ASTN1: variants seen among roughly 807,000 people sequenced by gnomAD.
ASTN1 encodes astrotactin-1.
In ASTN1, 41 loss-of-function variants were observed where a neutral mutation model predicts 140.7. That is an observed-to-expected ratio of 0.29 (90% confidence interval 0.23 to 0.38). ASTN1 has a LOEUF of 0.38. ASTN1 is among the 10% of genes least tolerant of loss of function. The probability of loss-of-function intolerance (pLI) is 1.00; values close to 1 mark genes in which losing one functional copy is unlikely to be tolerated. For missense variants in ASTN1, 1,479 were observed against 1,678.8 expected (o/e 0.88, Z 2.08); for synonymous variants, 640 against 652.2 (o/e 0.98, Z 0.29).
chr1:177,109,842 C>T (rs1223562522), intron 1 of ASTN1, among the ~76,000 whole-genome samples: 1 of 152,206 alleles, frequency 6.6e-6, no homozygotes, highest in African/African-American at 2.4e-5. Context: ...CACTGTTTTA[C>T]TGCTTTGGGT....
Position 176,863,409 on chromosome 1 carries a change from A to G in ASTN1, c.*875T>C. ...AGATAATCCAGGCACATGGATATAT[A>G]TTGGTAGGCTGGAGAAGTCTATCCA... On this transcript the variant is annotated 3_prime_UTR_variant, in exon 23 of 23. Coordinates refer to ENST00000361833, the MANE Select transcript of ASTN1 (RefSeq NM_004319.3). 1.0e-6 allele frequency: 1 copy of G among 985,838 alleles called. No homozygotes were observed. The highest frequency in any genetic ancestry group is 1.2e-6 in the Non-Finnish European group (1 of 829,900). The allele number at this position is 985,838 out of a possible 1,614,324, so 61.1% of individuals were successfully genotyped here. A position where few individuals can be genotyped will look rare whatever the true frequency, so the allele number is the denominator to read the frequency against.
chr1:177,110,577 A>T (rs1680777494), intron 1 of ASTN1, among the ~76,000 whole-genome samples: 1 of 152,220 alleles, frequency 6.6e-6, no homozygotes, highest in South Asian at 2.1e-4. Context: ...GGAAATAAAC[A>T]TGCATGGAGT....
At chr1:177,061,350 G>A in intron 1 of ASTN1, 85 bp from the exon 2 acceptor site, 1 of 1,320,798 alleles carries the variant, frequency 7.6e-7, no homozygotes, top group Non-Finnish European at 1.0e-6. Context: ...GTACCAATTA[G>A]CCAGTTTCGT....
intron 16 of ASTN1, among the ~76,000 whole-genome samples, chr1:176,913,260 A>G (rs1039149205): frequency 9.2e-5 from 14 of 152,314 alleles, no homozygotes; most frequent in Admixed American, 3.9e-4. Flanking sequence ...GGTGATTTCA[A>G]TTCTTCTTTG....
intron 16 of ASTN1, among the ~76,000 whole-genome samples, chr1:176,899,454 G>A (rs1669671232): frequency 6.6e-6 from 1 of 152,224 alleles, no homozygotes; most frequent in South Asian, 2.1e-4. Context: ...TTCTGAGGCT[G>A]CTTAAGAATC....
At chr1:176,878,907 G>A (rs1439173499) in intron 20 of ASTN1, among the ~76,000 whole-genome samples, 5 of 152,296 alleles carry the variant, frequency 3.3e-5, no homozygotes, top group East Asian at 3.9e-4. Flanking sequence ...CTAGGGGCCC[G>A]AGTGAGCCCC....
At chr1:177,040,798 A>T (rs1458589379) in intron 2 of ASTN1, among the ~76,000 whole-genome samples, 1 of 152,208 alleles carries the variant, frequency 6.6e-6, no homozygotes, top group Non-Finnish European at 1.5e-5. Context: ...CAATTCCTGT[A>T]TGAGACTTTA....
intron 18 of ASTN1, 90 bp downstream of exon 18, chr1:176,887,981 T>C: frequency 6.4e-7 from 1 of 1,555,922 alleles, no homozygotes; most frequent in Non-Finnish European, 8.8e-7. Context: ...TTTTTCTTTG[T>C]TTCCCAGTAC....
In ASTN1 at chr1:177,030,972, G is replaced by T. The variant is rs749508805; in HGVS notation, c.866-20C>A. On this transcript the variant is annotated intron_variant, in intron 3 of 22. Coordinates refer to ENST00000361833, the MANE Select transcript of ASTN1 (RefSeq NM_004319.3). Reference sequence around the variant, plus strand: ...CACTTCCTGTATAAGGAAAAGACGAGGCAAAAACTTTAAGAGAAAAGACCA... The same window carrying T: ...CACTTCCTGTATAAGGAAAAGACGATGCAAAAACTTTAAGAGAAAAGACCA... The T allele has an allele frequency of 2.5e-6, 4 of 1,596,272 alleles. No homozygotes were observed. The highest frequency in any genetic ancestry group is 1.7e-6 in the Non-Finnish European group (2 of 1,170,246).
chr1:177,071,189 C>G (rs1678619049), intron 1 of ASTN1, among the ~76,000 whole-genome samples: 1 of 152,162 alleles, frequency 6.6e-6, no homozygotes, highest in Non-Finnish European at 1.5e-5. Flanking sequence ...TCCACGTACA[C>G]TATTTATGCT....
chr1:177,052,100 C>G (rs942984836), intron 2 of ASTN1, among the ~76,000 whole-genome samples: 1 of 152,124 alleles, frequency 6.6e-6, no homozygotes, highest in Non-Finnish European at 1.5e-5. Flanking sequence ...TAACAATTCC[C>G]TGAATGGACA....
chr1:177,076,523 TC>T (rs1382177994), intron 1 of ASTN1, among the ~76,000 whole-genome samples: 1 of 150,500 alleles, frequency 6.6e-6, no homozygotes, highest in Admixed American at 6.6e-5. Flanking sequence ...TCTTTTCTTT[TC>T]TTTTTTTTTT....
rs1331065111 is a variant in ASTN1 at position 177,029,649 on chromosome 1, T to G, written c.1105A>C (p.Arg369=). 1 of 1,613,720 alleles carries G rather than the reference T, an allele frequency of 6.2e-7. No homozygotes were observed. Among genetic ancestry groups the G allele is most frequent in the Non-Finnish European group, 8.5e-7 (1 of 1,179,914 alleles). The change falls in exon 5 of 23, where the codon AGG becomes CGG. Residue 369 remains arginine (R), a synonymous_variant. Transcript: ENST00000361833. ...TCATTCCTACCTCTACTACGCCTCC[T>G]GCTCCTTGAAGGATCCGTGTAAAAG... ...LTFYTDPSRS[R]RRSRVGSPRS...
chr1:177,084,383 A>G (rs1679324468), intron 1 of ASTN1, among the ~76,000 whole-genome samples: 1 of 152,200 alleles, frequency 6.6e-6, no homozygotes, highest in Non-Finnish European at 1.5e-5. Context: ...CCAATCACAG[A>G]GGTGCCAACG....
intron 16 of ASTN1, among the ~76,000 whole-genome samples, chr1:176,914,418 A>G (rs900613945): frequency 2.0e-5 from 3 of 152,222 alleles, no homozygotes; most frequent in Non-Finnish European, 4.4e-5. Flanking sequence ...GGCAGAGACA[A>G]TAAGGTCAAA....
chr1:177,060,523 T>C (rs12728339), intron 2 of ASTN1, among the ~76,000 whole-genome samples: 3 of 152,160 alleles, frequency 2.0e-5, no homozygotes, highest in South Asian at 4.1e-4. Context: ...AATTTTGTTG[T>C]TGTTTGAGAC....
At chr1:176,860,604 G>GCAACATTTTTCTT (rs1471805943), downstream of ASTN1, among the ~76,000 whole-genome samples, 3 of 151,198 alleles carry the variant, frequency 2.0e-5, no homozygotes, top group East Asian at 3.9e-4. Flanking sequence ...AGGGCCTTTT[G>GCAACATTTTTCTT]CAACATTTTT....
intron 16 of ASTN1, among the ~76,000 whole-genome samples, chr1:176,896,565 G>A (rs1312653902): frequency 3.3e-5 from 5 of 152,172 alleles, no homozygotes; most frequent in East Asian, 1.9e-4. Context: ...TGGGCGGAGC[G>A]AGTGCGGGTG....
intron 16 of ASTN1, among the ~76,000 whole-genome samples, chr1:176,920,666 A>G (rs1670687831): frequency 6.6e-6 from 1 of 152,090 alleles, no homozygotes; most frequent in South Asian, 2.1e-4. Context: ...TGCTTCTCCC[A>G]TGGGTTCCGC....
Sources: gnomAD v4.1 joint callset for allele counts (sites outside exome capture counted in the v4.1 genomes callset) on GRCh38, gnomAD v4.1.1 for gene constraint, MANE v1.5 for transcripts, NCBI Gene and HGNC (gene_info 2026-07-23, HGNC 2026-07-21) for gene names.